The following IPO11 variants were observed in gnomAD, a reference collection of about 807,000 sequenced individuals.
The protein encoded by IPO11 is importin-11.
A neutral mutation model predicts 143.2 loss-of-function variants in IPO11; 66 were observed. The observed-to-expected ratio is 0.46, with a 90% CI of 0.38 to 0.57. The LOEUF is 0.57. Among genes scored for constraint, IPO11 ranks in the 20% least tolerant of loss-of-function variants. The pLI is 0.00. For missense variants in IPO11, 1,026 were observed against 1,141.0 expected (o/e 0.90, Z 1.45); for synonymous variants, 385 against 377.8 (o/e 1.02, Z -0.22).
At chr5:62,617,423 T>C (rs1340157251) in intron 29 of IPO11, among the ~76,000 whole-genome samples, 1 of 152,184 alleles carries the variant, frequency 6.6e-6, no homozygotes, top group African/African-American at 2.4e-5. Context: ...GAATATTAAT[T>C]ATATTTCTGA....
intron 5 of IPO11, among the ~76,000 whole-genome samples, chr5:62,457,964 C>A (rs1316785043): frequency 6.6e-6 from 1 of 151,812 alleles, no homozygotes; most frequent in South Asian, 2.1e-4. Flanking sequence ...CTGGCTAACA[C>A]GGTGAAACCC....
chr5:62,567,687 C>T (rs1291347359), intron 27 of IPO11, among the ~76,000 whole-genome samples: 5 of 150,746 alleles, frequency 3.3e-5, no homozygotes, highest in South Asian at 2.1e-4. Flanking sequence ...CTCAGCCTCC[C>T]GAGTAGCTGG....
intron 2 of IPO11, among the ~76,000 whole-genome samples, chr5:62,440,127 A>G (rs939382397): frequency 2.0e-5 from 3 of 152,186 alleles, no homozygotes; most frequent in Non-Finnish European, 4.4e-5. Flanking sequence ...ACAAGACTCA[A>G]TGTAGTATAG....
chr5:62,465,423 A>G (rs1745538187), intron 5 of IPO11, among the ~76,000 whole-genome samples: 1 of 152,202 alleles, frequency 6.6e-6, no homozygotes, highest in Non-Finnish European at 1.5e-5. Context: ...AAGTTTGTTG[A>G]AATAAAGCTT....
At chr5:62,525,159 T>C (rs76418803) in intron 20 of IPO11, among the ~76,000 whole-genome samples, 4 of 152,310 alleles carry the variant, frequency 2.6e-5, no homozygotes, top group African/African-American at 9.6e-5. Flanking sequence ...CCCAACATCA[T>C]CCTTTTTCCT....
intron 19 of IPO11, among the ~76,000 whole-genome samples, 184 bp downstream of exon 19, chr5:62,506,541 A>G (rs1741561742): frequency 6.6e-6 from 1 of 152,116 alleles, no homozygotes; most frequent in East Asian, 1.9e-4. Flanking sequence ...AAAATGAGAA[A>G]ATTAAAATAC....
chr5:62,417,872 C>T (rs1743359012), intron 1 of IPO11, among the ~76,000 whole-genome samples: 1 of 152,202 alleles, frequency 6.6e-6, no homozygotes, highest in Non-Finnish European at 1.5e-5. Context: ...GCCATGCAGG[C>T]ACCAATCAGT....
chr5:62,437,011 C>T (rs1744268306), intron 1 of IPO11, among the ~76,000 whole-genome samples: 1 of 152,082 alleles, frequency 6.6e-6, no homozygotes, highest in Non-Finnish European at 1.5e-5. Context: ...TGTATCTCCC[C>T]TCCCTCAATT....
At position 62,526,089 on chromosome 5, in the gene IPO11, C is replaced by T. The variant is rs1029335581; in HGVS notation, c.1897-53C>T. 52 of 1,135,852 alleles carry T rather than the reference C, an allele frequency of 4.6e-5. 1 individual carries two copies. In the South Asian group the frequency reaches 5.2e-4, roughly 11 times the overall value. 70.4% of individuals were successfully genotyped at this position (1,135,852 alleles called of 1,614,324 possible). A position where few individuals can be genotyped will look rare whatever the true frequency, so the allele number is the denominator to read the frequency against. On this transcript the variant is annotated intron_variant, in intron 20 of 29. Coordinates refer to ENST00000325324, the MANE Select transcript of IPO11 (RefSeq NM_016338.5). ...TTGTATGATAGGTAATTTTTTGGTG[C>T]GGGATGGGACATTAGAGTGTCTTAT... is the stretch of plus-strand genomic sequence containing the variant.
chr5:62,488,011 C>T, intron 13 of IPO11, 150 bp downstream of exon 13: 1 of 629,084 alleles, frequency 1.6e-6, no homozygotes, highest in Non-Finnish European at 2.5e-6. Context: ...TTATTATCTT[C>T]CAAGGGGGTG....
intron 9 of IPO11, 36 bp downstream of exon 9, chr5:62,476,789 T>C: frequency 6.9e-7 from 1 of 1,458,070 alleles, no homozygotes; most frequent in Admixed American, 2.6e-5. Flanking sequence ...TCAAATATAA[T>C]ACACATATTC....
At chr5:62,496,818 A>G (rs1381212971) in intron 16 of IPO11, among the ~76,000 whole-genome samples, 1 of 152,228 alleles carries the variant, frequency 6.6e-6, no homozygotes, top group African/African-American at 2.4e-5. Flanking sequence ...AAACTTAACA[A>G]TATTTCAAAT....
chr5:62,522,207 T>C (rs1203921234), intron 20 of IPO11, among the ~76,000 whole-genome samples: 1 of 151,914 alleles, frequency 6.6e-6, no homozygotes, highest in Admixed American at 6.6e-5. Flanking sequence ...TTTGTCTGTA[T>C]AAATTTAGGA....
In IPO11 at chr5:62,461,095, G is replaced by T. The variant is rs116980243; in HGVS notation, c.517-6036G>T. Among the ~76,000 whole-genome samples the T allele has an allele frequency of 2.3e-3, 345 of 152,284 alleles. 7 individuals are homozygous for T. The East Asian group carries it at 0.039, about 17-fold the overall frequency. ...AAAAACTTTTCAAACACTTGTAAAG[G>T]ATGATAAGACAGACTTTATTCAGAT... On this transcript the variant is annotated intron_variant, in intron 5 of 29. Coordinates refer to ENST00000325324, the MANE Select transcript of IPO11 (RefSeq NM_016338.5).
intron 3 of IPO11, among the ~76,000 whole-genome samples, chr5:62,447,227 T>A: frequency 6.6e-6 from 1 of 152,086 alleles, no homozygotes; most frequent in East Asian, 1.9e-4. Flanking sequence ...TGCCTCAGCC[T>A]CCTGAGTAGC....
chr5:62,517,015 G>A (rs1410295808), intron 20 of IPO11, among the ~76,000 whole-genome samples: 2 of 151,854 alleles, frequency 1.3e-5, no homozygotes, highest in Admixed American at 6.6e-5. Flanking sequence ...TGGCTAACAC[G>A]GTGAAACCCT....
chr5:62,503,246 A>G (rs1031424375), intron 16 of IPO11, among the ~76,000 whole-genome samples: 3 of 151,728 alleles, frequency 2.0e-5, no homozygotes, highest in African/African-American at 7.3e-5. Context: ...TGTGTAGTCC[A>G]TGTCCTCAAG....
At chr5:62,591,431 T>C in intron 27 of IPO11, 146 bp from the exon 28 acceptor site, 1 of 571,446 alleles carries the variant, frequency 1.7e-6, no homozygotes, top group Non-Finnish European at 3.0e-6. Flanking sequence ...ATAAACTTTT[T>C]GTTATAAGAA....
At chr5:62,548,513 C>G (rs1743286713) in intron 24 of IPO11, among the ~76,000 whole-genome samples, 2 of 152,132 alleles carry the variant, frequency 1.3e-5, no homozygotes, top group South Asian at 4.1e-4. Flanking sequence ...GAAGCAATCT[C>G]TTTTAGACTC....
Sources: allele counts gnomAD v4.1 joint callset (sites outside exome capture counted in the v4.1 genomes callset), GRCh38; gene constraint gnomAD v4.1.1; transcripts MANE v1.5; gene names NCBI Gene and HGNC (gene_info 2026-07-23, HGNC 2026-07-21).